The following SEMA4F variants were observed in gnomAD, a reference collection of about 807,000 sequenced individuals.
The protein encoded by SEMA4F is semaphorin-4F.
Under a neutral mutation model 78.4 loss-of-function variants are expected in SEMA4F, and 51 were observed. That is an observed-to-expected ratio of 0.65 (90% CI 0.52 to 0.82). The LOEUF is 0.82. Among genes scored for constraint, SEMA4F ranks in the 40% least tolerant of loss-of-function variants. The pLI is 0.00. For synonymous variants in SEMA4F, 418 were observed against 408.7 expected (o/e 1.02, Z -0.27); for missense variants, 938 against 1,014.4 (o/e 0.92, Z 1.02).
the SEMA4F span, among the ~76,000 whole-genome samples, chr2:74,707,716 A>T: frequency 6.6e-6 from 1 of 152,226 alleles, no homozygotes; most frequent in African/African-American, 2.4e-5. Flanking sequence ...TCCAGCTTAC[A>T]GCCCTGAAGA....
At chr2:74,663,825 G>A (rs1684544811) in intron 5 of SEMA4F, among the ~76,000 whole-genome samples, 1 of 152,064 alleles carries the variant, frequency 6.6e-6, no homozygotes, top group Admixed American at 6.5e-5. Context: ...AGTTTTAGAG[G>A]GGACAAAACA....
the SEMA4F span, among the ~76,000 whole-genome samples, chr2:74,709,041 A>C: frequency 1.2e-4 from 19 of 152,260 alleles, no homozygotes; most frequent in African/African-American, 4.6e-4. Context: ...GTGCGTGCCT[A>C]TAGTCCCAGC....
At chr2:74,656,988 A>G (rs1243258095) in intron 2 of SEMA4F, among the ~76,000 whole-genome samples, 1 of 152,162 alleles carries the variant, frequency 6.6e-6, no homozygotes, top group Non-Finnish European at 1.5e-5. Flanking sequence ...CTCTAGGGAA[A>G]CAGCTTTCAA....
intron 5 of SEMA4F, among the ~76,000 whole-genome samples, chr2:74,669,641 AC>A (rs1001328355): frequency 6.6e-6 from 1 of 152,118 alleles, no homozygotes; most frequent in Non-Finnish European, 1.5e-5. Flanking sequence ...CAAACAAAAA[AC>A]GAATGAACTG....
intron 4 of SEMA4F, among the ~76,000 whole-genome samples, chr2:74,660,372 A>G (rs559671761): frequency 6.6e-6 from 1 of 152,214 alleles, no homozygotes. Context: ...GATGTGTTTC[A>G]TGTACTAGGA....
chr2:74,667,166 CAGAT>C (rs1207942791), intron 5 of SEMA4F, among the ~76,000 whole-genome samples: 2 of 152,198 alleles, frequency 1.3e-5, no homozygotes, highest in East Asian at 1.9e-4. Context: ...GCTGCATACA[CAGAT>C]GGATGTAGCA....
chr2:74,708,141 A>T, the SEMA4F span, among the ~76,000 whole-genome samples: 1 of 152,112 alleles, frequency 6.6e-6, no homozygotes, highest in Non-Finnish European at 1.5e-5. Flanking sequence ...TGAAAAAAAA[A>T]ATCATAAAAT....
chr2:74,657,711 C>G, intron 3 of SEMA4F, 87 bp downstream of exon 3: 3 of 1,438,348 alleles, frequency 2.1e-6, no homozygotes, highest in Non-Finnish European at 2.9e-6. Context: ...GCTTCCATAC[C>G]AATGGGCCCA....
chr2:74,674,399 G>T, intron 7 of SEMA4F, 99 bp from the exon 8 acceptor site: 1 of 1,069,062 alleles, frequency 9.4e-7, no homozygotes. Flanking sequence ...CCATCTGTCT[G>T]TCTGCCCTGA....
At chr2:74,670,200 G>A (rs1415085584) in intron 5 of SEMA4F, among the ~76,000 whole-genome samples, 1 of 152,210 alleles carries the variant, frequency 6.6e-6, no homozygotes, top group Non-Finnish European at 1.5e-5. Context: ...ATTTGGAATT[G>A]AGAGTGTCCT....
chr2:74,655,002 T>C (rs1400487143), intron 1 of SEMA4F, among the ~76,000 whole-genome samples: 1 of 152,222 alleles, frequency 6.6e-6, no homozygotes, highest in Non-Finnish European at 1.5e-5. Context: ...CAGCTTTCCA[T>C]TCCGATCTCC....
chr2:74,708,172 G>T, the SEMA4F span, among the ~76,000 whole-genome samples: 2 of 151,926 alleles, frequency 1.3e-5, no homozygotes, highest in East Asian at 3.9e-4. Flanking sequence ...GGATCCAACT[G>T]TTTCCAAGTA....
chr2:74,654,339 G>A lies in SEMA4F; in HGVS notation c.-38G>A, dbSNP rs886839552. 8.3e-6 allele frequency: 12 copies of A among 1,445,376 alleles called. No homozygotes were observed. In the South Asian group the frequency reaches 8.5e-5, roughly 10 times the overall value. 89.5% of individuals were successfully genotyped at this position (1,445,376 alleles called of 1,614,324 possible). A position where few individuals can be genotyped will look rare whatever the true frequency, so the allele number is the denominator to read the frequency against. Reference sequence around the variant, plus strand: ...AGCCCCGGGGCCCTGAGCAGAGGCCGTAGCTTGCGCCGCACCCGCGGCCAG... The same window carrying A: ...AGCCCCGGGGCCCTGAGCAGAGGCCATAGCTTGCGCCGCACCCGCGGCCAG... On this transcript the variant is annotated 5_prime_UTR_variant, in exon 1 of 14. Transcript: ENST00000357877.
chr2:74,702,921 T>C, the SEMA4F span, among the ~76,000 whole-genome samples: 162 of 152,314 alleles, frequency 1.1e-3, no homozygotes, highest in African/African-American at 3.8e-3. Flanking sequence ...AAAGCTGAAA[T>C]GGAAAATGGT....
chr2:74,673,859 A>G (rs768589810), intron 7 of SEMA4F, 31 bp downstream of exon 7: 13 of 1,602,504 alleles, frequency 8.1e-6, no homozygotes, highest in Admixed American at 6.7e-5. Flanking sequence ...TCTGTCTGTC[A>G]TCTCCTGCTC....
At chr2:74,657,231 C>CGAA (rs1390511965) in intron 2 of SEMA4F, among the ~76,000 whole-genome samples, 2 of 152,190 alleles carry the variant, frequency 1.3e-5, no homozygotes. Flanking sequence ...CACTTTTGAT[C>CGAA]ACAAGCATTT....
the SEMA4F span, among the ~76,000 whole-genome samples, chr2:74,703,083 A>C: frequency 6.6e-6 from 1 of 152,098 alleles, no homozygotes; most frequent in African/African-American, 2.4e-5. Flanking sequence ...ACAGGTGAAA[A>C]TCCCTACATT....
Position 74,673,804 on chromosome 2 carries a change from C to A in SEMA4F, c.798C>A (p.Val266=), listed in dbSNP as rs1286026441. Residue 266 remains valine, a synonymous_variant, in exon 7 of 14, where the codon GTC becomes GTA. Transcript: ENST00000357877. The stretch of plus-strand genomic sequence containing the variant: ...TTGACTCATACGAGCGCATTAAAGT[C>A]CCACGGGTGGCCCGTGTGTGTGCGG... The part of the protein sequence containing the change: ...RAFDSYERIK[V]PRVARVCAGD... The A allele has an allele frequency of 6.2e-7, 1 of 1,614,060 alleles. No homozygotes were observed. The highest frequency in any genetic ancestry group is 1.3e-5 in the African/African-American group (1 of 75,052).
chr2:74,689,814 CT>C, the SEMA4F span, among the ~76,000 whole-genome samples: 3 of 152,184 alleles, frequency 2.0e-5, no homozygotes, highest in African/African-American at 7.2e-5. Flanking sequence ...GACAAGGACA[CT>C]CAGTGCCAAT....
Sources: allele counts gnomAD v4.1 joint callset (sites outside exome capture counted in the v4.1 genomes callset), GRCh38; gene constraint gnomAD v4.1.1; transcripts MANE v1.5; gene names NCBI Gene and HGNC (gene_info 2026-07-23, HGNC 2026-07-21).